The following CDH2 variants were observed in gnomAD, a reference collection of about 807,000 sequenced individuals.
CDH2 encodes cadherin-2.
A neutral mutation model predicts 92.0 loss-of-function variants in CDH2; 17 were observed. The ratio of observed to expected loss-of-function variants is 0.18; its 90% CI spans 0.13 to 0.28. CDH2 has a LOEUF of 0.28. Ranked by LOEUF, CDH2 falls within the 10% of genes least tolerant of loss-of-function variation. The pLI is 1.00. For missense variants in CDH2, 862 were observed against 1,133.1 expected, an observed-to-expected ratio of 0.76 and a Z score of 3.44; for synonymous variants, 419 against 415.9, an observed-to-expected ratio of 1.01 and a Z score of -0.09.
intron 2 of CDH2, among the ~76,000 whole-genome samples, chr18:28,096,616 T>C (rs1248032660): frequency 6.6e-6 from 1 of 152,176 alleles, no homozygotes; most frequent in East Asian, 1.9e-4. Context: ...TATTTGGCAT[T>C]ATCTGTAAAA....
chr18:28,170,596 T>C (rs918336624), intron 1 of CDH2, among the ~76,000 whole-genome samples: 12 of 152,094 alleles, frequency 7.9e-5, no homozygotes, highest in Admixed American at 2.0e-4. Flanking sequence ...CCACCTGCCT[T>C]GGCCTCCCAA....
chr18:27,955,046 C>T (rs1422190586), intron 15 of CDH2, among the ~76,000 whole-genome samples: 4 of 152,106 alleles, frequency 2.6e-5, no homozygotes, highest in Admixed American at 2.0e-4. Flanking sequence ...TCCCTGAAAA[C>T]AAATATTAAA....
intron 2 of CDH2, among the ~76,000 whole-genome samples, chr18:28,017,495 T>C (rs1048720413): frequency 6.6e-6 from 1 of 152,190 alleles, no homozygotes; most frequent in Non-Finnish European, 1.5e-5. Flanking sequence ...TATTTGGATA[T>C]TCTCTCTTCT....
chr18:27,993,974 G>GTTT (rs2012505813), intron 7 of CDH2, among the ~76,000 whole-genome samples: 1 of 152,160 alleles, frequency 6.6e-6, no homozygotes, highest in Admixed American at 6.6e-5. Flanking sequence ...AAGTCATTTG[G>GTTT]TTCGTATTTA....
chr18:28,061,047 T>C (rs908352291), intron 2 of CDH2, among the ~76,000 whole-genome samples: 2 of 152,202 alleles, frequency 1.3e-5, no homozygotes, highest in African/African-American at 4.8e-5. Context: ...AACTTTCTTT[T>C]GCCTTTTTTT....
chr18:28,137,398 ACCTT>A (rs747586283), intron 2 of CDH2, among the ~76,000 whole-genome samples: 1 of 152,186 alleles, frequency 6.6e-6, no homozygotes, highest in Non-Finnish European at 1.5e-5. Context: ...CCATAAAAAG[ACCTT>A]AATCCACATT....
chr18:28,142,381 T>C (rs1361236730), intron 2 of CDH2, among the ~76,000 whole-genome samples: 1 of 151,908 alleles, frequency 6.6e-6, no homozygotes, highest in Non-Finnish European at 1.5e-5. Flanking sequence ...TTATCTTACT[T>C]TGCTGCACTG....
intron 2 of CDH2, among the ~76,000 whole-genome samples, chr18:28,041,797 T>C (rs1354151664): frequency 1.3e-5 from 2 of 152,186 alleles, no homozygotes; most frequent in Admixed American, 6.5e-5. Flanking sequence ...CAATATTTTC[T>C]TGTACCTTAT....
At chr18:28,019,203 G>C (rs955111424) in intron 2 of CDH2, among the ~76,000 whole-genome samples, 22 of 151,774 alleles carry the variant, frequency 1.4e-4, no homozygotes, top group Non-Finnish European at 4.4e-5. Flanking sequence ...TACACTGCTC[G>C]GGTGATGGGT....
At chr18:28,024,261 C>T (rs550650050) in intron 2 of CDH2, among the ~76,000 whole-genome samples, 2 of 152,008 alleles carry the variant, frequency 1.3e-5, no homozygotes, top group East Asian at 3.9e-4. Flanking sequence ...CATTATATTG[C>T]CCAATTATCT....
chr18:27,987,043 T>G (rs1236577354), intron 11 of CDH2, among the ~76,000 whole-genome samples: 1 of 152,168 alleles, frequency 6.6e-6, no homozygotes, highest in Non-Finnish European at 1.5e-5. Flanking sequence ...CACAGCTACA[T>G]ACATTATAAC....
chr18:27,983,971 T>C (rs929081682), intron 13 of CDH2, among the ~76,000 whole-genome samples: 4 of 152,252 alleles, frequency 2.6e-5, no homozygotes, highest in African/African-American at 9.6e-5. Flanking sequence ...AGCACATTTT[T>C]ATTATTGGCC....
At chr18:27,948,425 G>A (rs1293059964), downstream of CDH2, among the ~76,000 whole-genome samples, 2 of 151,686 alleles carry the variant, frequency 1.3e-5, no homozygotes, top group Non-Finnish European at 3.0e-5. Context: ...CAAAATAATG[G>A]GAACAATACA....
chr18:28,099,419 G>A (rs2015191090), intron 2 of CDH2, among the ~76,000 whole-genome samples: 1 of 152,102 alleles, frequency 6.6e-6, no homozygotes, highest in Admixed American at 6.6e-5. Flanking sequence ...ATTTATAGCT[G>A]ATACAATTCA....
chr18:28,026,982 T>C (rs899520536), intron 2 of CDH2, among the ~76,000 whole-genome samples: 1 of 152,128 alleles, frequency 6.6e-6, no homozygotes, highest in Non-Finnish European at 1.5e-5. Context: ...ATTTAAAAGT[T>C]GATGCCCTCC....
intron 1 of CDH2, among the ~76,000 whole-genome samples, chr18:28,152,375 GC>G (rs758823886): frequency 3.3e-5 from 5 of 152,130 alleles, no homozygotes; most frequent in African/African-American, 7.2e-5. Context: ...ACAAGATACA[GC>G]CCCTGCCCTT....
At chr18:28,095,220 G>A (rs896197831) in intron 2 of CDH2, among the ~76,000 whole-genome samples, 2 of 152,050 alleles carry the variant, frequency 1.3e-5, no homozygotes, top group Admixed American at 1.3e-4. Context: ...TCTAATAAAT[G>A]CTTGCTAGAT....
intron 2 of CDH2, among the ~76,000 whole-genome samples, chr18:28,137,244 G>C (rs967798717): frequency 6.6e-6 from 1 of 152,028 alleles, no homozygotes; most frequent in Non-Finnish European, 1.5e-5. Context: ...GACTGGCCCT[G>C]GTGTAAAGAC....
At chr18:27,935,031 G>T (rs1254504228) in intron 6 of CDH2, among the ~76,000 whole-genome samples, 1 of 152,106 alleles carries the variant, frequency 6.6e-6, no homozygotes, top group African/African-American at 2.4e-5. Flanking sequence ...CCCAGAACAT[G>T]CCTTGAGATC....
Sources: gnomAD v4.1 joint callset for allele counts (sites outside exome capture counted in the v4.1 genomes callset) on GRCh38, gnomAD v4.1.1 for gene constraint, MANE v1.5 for transcripts, NCBI Gene and HGNC (gene_info 2026-07-23, HGNC 2026-07-21) for gene names.